The following TSNARE1 variants were observed in gnomAD, a reference collection of about 807,000 sequenced individuals.
TSNARE1 encodes t-SNARE domain containing 1, also known as t-SNARE domain-containing protein 1.
Under a neutral mutation model 62.0 loss-of-function variants are expected in TSNARE1, and 49 were observed. That is an observed-to-expected ratio of 0.79 (90% CI 0.63 to 1.00). TSNARE1 has a LOEUF of 1.00. Among genes scored for constraint, TSNARE1 ranks in the 50% least tolerant of loss-of-function variants. The probability of loss-of-function intolerance (pLI) is 0.00; values close to 1 mark genes in which losing one functional copy is unlikely to be tolerated. For missense variants in TSNARE1, 755 were observed against 700.1 expected, an observed-to-expected ratio of 1.08 and a Z score of -0.88; for synonymous variants, 328 against 294.4, an observed-to-expected ratio of 1.11 and a Z score of -1.17.
At position 142,274,294 on chromosome 8, in the gene TSNARE1, C is replaced by A. The variant is rs902325092; in HGVS notation, c.1446+487G>T. The A allele has an allele frequency of 1.4e-5, 14 of 985,332 alleles. No individual in the cohort carries two copies. The Admixed American group carries it at 5.5e-4, about 39-fold the overall frequency. The allele number at this position is 985,332 out of a possible 1,614,324, so 61.0% of individuals were successfully genotyped here. On this transcript the variant is annotated intron_variant, in intron 12 of 13. Coordinates refer to ENST00000524325, the MANE Select transcript of TSNARE1 (RefSeq NM_145003.5). ...TCTTGTGGTGACCACAAGTCAGCAA[C>A]AAGGCCCAGTGAGTGGCTAGTCCTC...
intron 1 of TSNARE1, among the ~76,000 whole-genome samples, chr8:142,369,715 A>G (rs2131009087): frequency 6.6e-6 from 1 of 152,344 alleles, no homozygotes; most frequent in East Asian, 1.9e-4. Flanking sequence ...GAGCTCTGCC[A>G]TACACTCAAC....
At chr8:142,386,077 T>C (rs977561715) in intron 1 of TSNARE1, among the ~76,000 whole-genome samples, 4 of 152,202 alleles carry the variant, frequency 2.6e-5, no homozygotes, top group African/African-American at 9.7e-5. Context: ...TAGCTCTCAT[T>C]TCTTGCCAGA....
chr8:142,346,662 G>A (rs563202414), intron 2 of TSNARE1, among the ~76,000 whole-genome samples: 6 of 152,366 alleles, frequency 3.9e-5, no homozygotes, highest in African/African-American at 1.2e-4. Flanking sequence ...TTCCCGGGAC[G>A]TGTCCTGGTA....
intron 11 of TSNARE1, among the ~76,000 whole-genome samples, chr8:142,282,158 G>C (rs1238547812): frequency 6.6e-6 from 1 of 152,174 alleles, no homozygotes; most frequent in Non-Finnish European, 1.5e-5. Context: ...TGGATGCAGG[G>C]ACTTCAGGAC....
chr8:142,308,624 G>A (rs776841982), intron 9 of TSNARE1, among the ~76,000 whole-genome samples: 1 of 152,200 alleles, frequency 6.6e-6, no homozygotes, highest in Non-Finnish European at 1.5e-5. Context: ...ACGGGCTGGT[G>A]TGTCTAGCCT....
intron 12 of TSNARE1, among the ~76,000 whole-genome samples, chr8:142,263,262 G>A (rs769039953): frequency 6.6e-5 from 10 of 152,206 alleles, no homozygotes; most frequent in Middle Eastern, 3.2e-3. Flanking sequence ...AGGACGTCTG[G>A]AAATGGCAAT....
rs140619704 is a variant in TSNARE1 at position 142,386,716 on chromosome 8, G to A, written c.-40+16388C>T. The stretch of plus-strand genomic sequence containing the variant: ...TTATGACCTTATAGTCAGACAAGTA[G>A]AAATGAGACAAAGAAGGGCACTTTG... On this transcript the variant is annotated intron_variant, in intron 1 of 13. Coordinates refer to ENST00000524325, the MANE Select transcript of TSNARE1 (RefSeq NM_145003.5). 5.3e-5 allele frequency among the ~76,000 whole-genome samples: 8 copies of A among 152,310 alleles called. No individual in the cohort carries two copies. In the East Asian group the frequency reaches 1.2e-3, roughly 22 times the overall value.
chr8:142,388,245 A>G (rs1008356996), intron 1 of TSNARE1, among the ~76,000 whole-genome samples: 7 of 152,160 alleles, frequency 4.6e-5, no homozygotes, highest in African/African-American at 1.4e-4. Context: ...AACATGAAAT[A>G]AAATAGAAAG....
At chr8:142,250,569 G>A (rs1270016739) in intron 12 of TSNARE1, among the ~76,000 whole-genome samples, 1 of 152,214 alleles carries the variant, frequency 6.6e-6, no homozygotes, top group Non-Finnish European at 1.5e-5. Context: ...GCTGCCGCTT[G>A]TTTTCCTTCG....
chr8:142,315,242 G>GCCCC, intron 7 of TSNARE1, 150 bp from the exon 8 acceptor site: 1 of 765,958 alleles, frequency 1.3e-6, no homozygotes, highest in Non-Finnish European at 2.1e-6. Flanking sequence ...TGTCACCGTC[G>GCCCC]TCTCCACAGG....
rs147521506 is a variant in TSNARE1, at chr8:142,223,129, TTCAC to T, written c.*11+6340_*11+6343del. Among the ~76,000 whole-genome samples, 36 of 63,556 alleles carry T rather than the reference TTCAC, an allele frequency of 5.7e-4. 5 individuals are homozygous for T. Among genetic ancestry groups the T allele is most frequent in the African/African-American group, 1.8e-3 (34 of 18,938 alleles). 41.7% of individuals were successfully genotyped at this position (63,556 alleles called of 152,430 possible). On this transcript the variant is annotated intron_variant, in intron 13 of 13. Transcript: ENST00000524325. ...ACTCACTCGTTCACTCATTCACTCA[TTCAC>T]TCATTCACTCATCCACTCACTCATT...
intron 11 of TSNARE1, chr8:142,275,822 C>T (rs983775820): frequency 1.0e-6 from 1 of 984,838 alleles, no homozygotes; most frequent in Non-Finnish European, 1.2e-6. Context: ...GAGGCCATTA[C>T]AACCACAGGG....
chr8:142,354,787 G>C, intron 1 of TSNARE1, 24 bp from the exon 2 acceptor site: 1 of 1,320,220 alleles, frequency 7.6e-7, no homozygotes, highest in South Asian at 1.2e-5. Flanking sequence ...GAAAAGCAGG[G>C]GGAAGAGGGG....
At chr8:142,297,593 C>A (rs1824982591) in intron 10 of TSNARE1, among the ~76,000 whole-genome samples, 1 of 152,192 alleles carries the variant, frequency 6.6e-6, no homozygotes, top group African/African-American at 2.4e-5. Context: ...GAAAGGGCTA[C>A]AGCCAGCCGA....
intron 1 of TSNARE1, among the ~76,000 whole-genome samples, chr8:142,368,735 G>A (rs1835731208): frequency 6.6e-6 from 1 of 152,128 alleles, no homozygotes; most frequent in Non-Finnish European, 1.5e-5. Flanking sequence ...CAGACGGGCG[G>A]CCCTGCAGCT....
intron 11 of TSNARE1, chr8:142,278,899 C>G (rs1194785862): frequency 1.4e-6 from 1 of 710,394 alleles, no homozygotes. Flanking sequence ...GGGGCCCAGG[C>G]TCCTCCCTGG....
chr8:142,347,335 G>T (rs1055062750), intron 2 of TSNARE1, among the ~76,000 whole-genome samples: 1 of 152,226 alleles, frequency 6.6e-6, no homozygotes, highest in Non-Finnish European at 1.5e-5. Context: ...GGCCCGGAGG[G>T]GGCCCAAGTC....
chr8:142,286,224 G>T (rs1312996751), intron 10 of TSNARE1, among the ~76,000 whole-genome samples: 1 of 152,180 alleles, frequency 6.6e-6, no homozygotes, highest in Non-Finnish European at 1.5e-5. Context: ...TTCCAGCCAA[G>T]TCCAGGGGAA....
At chr8:142,225,785 G>T (rs1816742610) in intron 13 of TSNARE1, among the ~76,000 whole-genome samples, 2 of 152,224 alleles carry the variant, frequency 1.3e-5, no homozygotes, top group South Asian at 4.1e-4. Context: ...GCTTCCTATG[G>T]CTGCTACAAC....
Sources: allele counts gnomAD v4.1 joint callset (sites outside exome capture counted in the v4.1 genomes callset), GRCh38; gene constraint gnomAD v4.1.1; transcripts MANE v1.5; gene names NCBI Gene and HGNC (gene_info 2026-07-23, HGNC 2026-07-21).